The following CELF2 variants were observed in gnomAD, a reference collection of about 807,000 sequenced individuals.
CELF2 encodes CUGBP Elav-like family member 2, also known as CUG triplet repeat RNA-binding protein 2.
CELF2 carries 8 observed loss-of-function variants against 62.6 expected under a neutral mutation model. The ratio of observed to expected loss-of-function variants is 0.13; its 90% CI spans 0.07 to 0.23. The LOEUF is 0.23. Ranked by LOEUF, CELF2 falls within the 10% of genes least tolerant of loss-of-function variation. The pLI is 1.00. For synonymous variants in CELF2, 258 were observed against 250.0 expected, an observed-to-expected ratio of 1.03 and a Z score of -0.30; for missense variants, 333 against 671.0, an observed-to-expected ratio of 0.50 and a Z score of 5.56.
Position 11,319,058 on chromosome 10 carries a change from G to A in CELF2, c.1097-2131G>A, listed in dbSNP as rs149654846. The A allele has an allele frequency of 1.7e-3, 800 of 470,700 alleles. 3 individuals carry two copies. Among genetic ancestry groups the A allele is most frequent in the Non-Finnish European group, 2.7e-3 (610 of 227,060 alleles). 29.2% of individuals were successfully genotyped at this position (470,700 alleles called of 1,614,324 possible). ...GGCCCCACATGGCTCTGCAGGCTGC[G>A]AGGCACACCCAGAACCTCATGCCTT... is the stretch of plus-strand genomic sequence containing the variant. On this transcript the variant is annotated intron_variant, in intron 10 of 12. Coordinates refer to ENST00000633077, the MANE Select transcript of CELF2 (RefSeq NM_001326342.2). The surrounding 1 kb of genome is among the most constrained non-coding windows in gnomAD (Gnocchi z 4.4).
the CELF2 span, among the ~76,000 whole-genome samples, chr10:10,484,407 C>T: frequency 1.2e-4 from 16 of 136,728 alleles, no homozygotes; most frequent in Middle Eastern, 3.4e-3. Flanking sequence ...ACCTCTGCCC[C>T]CTGGGTTCAC....
At chr10:10,806,672 C>T (rs2055269817) in intron 1 of CELF2, among the ~76,000 whole-genome samples, 1 of 152,190 alleles carries the variant, frequency 6.6e-6, no homozygotes, top group Admixed American at 6.5e-5. Flanking sequence ...TAAGACAACA[C>T]TGAGTCACAA....
At chr10:10,961,637 G>A (rs1278199574) in intron 2 of CELF2, among the ~76,000 whole-genome samples, 6 of 151,442 alleles carry the variant, frequency 4.0e-5, no homozygotes, top group South Asian at 4.2e-4. Context: ...TCCCAGCTAC[G>A]CAGGAGGCTG....
chr10:10,624,673 G>C, the CELF2 span, among the ~76,000 whole-genome samples: 2 of 152,162 alleles, frequency 1.3e-5, no homozygotes, highest in Non-Finnish European at 2.9e-5. Flanking sequence ...AAAACCCTGG[G>C]AGATACAGTC....
intron 1 of CELF2, among the ~76,000 whole-genome samples, chr10:11,104,851 A>G (rs1272749600): frequency 1.3e-5 from 2 of 152,218 alleles, no homozygotes; most frequent in African/African-American, 2.4e-5. Context: ...CTCAGTATCA[A>G]CGCTTGTAGG....
At chr10:10,771,642 G>A in the CELF2 span, among the ~76,000 whole-genome samples, 1 of 152,178 alleles carries the variant, frequency 6.6e-6, no homozygotes, top group African/African-American at 2.4e-5. Flanking sequence ...GTTTTATCAG[G>A]GGTTTCTGCT....
the CELF2 span, among the ~76,000 whole-genome samples, chr10:10,695,992 CT>C: frequency 6.6e-6 from 1 of 151,826 alleles, no homozygotes; most frequent in Non-Finnish European, 1.5e-5. Context: ...CATCTGAAGC[CT>C]TCTTCTCTCA....
intron 1 of CELF2, among the ~76,000 whole-genome samples, chr10:11,043,589 G>T (rs546452360): frequency 6.6e-6 from 1 of 151,902 alleles, no homozygotes; most frequent in African/African-American, 2.4e-5. Flanking sequence ...CTCATCCCCC[G>T]TCCTTCCTTT....
chr10:10,984,105 A>AT (rs1315214226), intron 2 of CELF2, among the ~76,000 whole-genome samples: 3 of 152,156 alleles, frequency 2.0e-5, no homozygotes, highest in African/African-American at 7.2e-5. Flanking sequence ...GCATCTGTTA[A>AT]TTTATTTTAC....
At chr10:10,789,307 G>A in the CELF2 span, among the ~76,000 whole-genome samples, 5 of 152,044 alleles carry the variant, frequency 3.3e-5, no homozygotes, top group Non-Finnish European at 7.4e-5. Flanking sequence ...GTCTTTCAAA[G>A]TCATTCCACC....
rs1008064780 is a variant in CELF2, at chr10:10,976,460, C to T, written c.89+56461C>T. Among the ~76,000 whole-genome samples the T allele has an allele frequency of 1.2e-4, 18 of 151,902 alleles. No individual in the cohort carries two copies. In the South Asian group the frequency reaches 1.7e-3, roughly 14 times the overall value. On this transcript the variant is annotated intron_variant, in intron 2 of 13. Coordinates refer to the CELF2 transcript ENST00000636488. ...CATGAAATTAGTATGTCTCATTTCA[C>T]GTCAGGCTTGGTCTTTTTTTTTATG...
At chr10:10,968,622 T>A in intron 2 of CELF2, among the ~76,000 whole-genome samples, 1 of 152,196 alleles carries the variant, frequency 6.6e-6, no homozygotes, top group East Asian at 1.9e-4. Flanking sequence ...AGGACATATG[T>A]GCATTGTATT....
chr10:10,834,618 C>T (rs921688196), intron 1 of CELF2, among the ~76,000 whole-genome samples: 25 of 152,122 alleles, frequency 1.6e-4, no homozygotes, highest in African/African-American at 5.3e-4. Context: ...ACCATTGTTA[C>T]GAGGGATGGC....
chr10:10,911,208 C>T (rs903134834), intron 1 of CELF2, among the ~76,000 whole-genome samples: 4 of 152,306 alleles, frequency 2.6e-5, no homozygotes, highest in South Asian at 4.1e-4. Flanking sequence ...ACACTGGCTT[C>T]CCTTACAGAT....
chr10:10,687,325 T>C, the CELF2 span, among the ~76,000 whole-genome samples: 1 of 152,240 alleles, frequency 6.6e-6, no homozygotes, highest in Non-Finnish European at 1.5e-5. Context: ...ATTTGCTCTT[T>C]AAAAATTTAT....
At chr10:11,283,955 A>AGGG (rs1565757663) in intron 8 of CELF2, among the ~76,000 whole-genome samples, 1 of 63,022 alleles carries the variant, frequency 1.6e-5, no homozygotes. Context: ...ATGAGGGATG[A>AGGG]GTGTGTGGTG....
chr10:11,161,992 A>G (rs1264934574), intron 1 of CELF2, among the ~76,000 whole-genome samples: 1 of 152,206 alleles, frequency 6.6e-6, no homozygotes, highest in African/African-American at 2.4e-5. Context: ...AAAAATGAGC[A>G]TCAGCCAGGG....
At position 11,177,421 on chromosome 10, in the gene CELF2, TAAAA is replaced by T. The variant is rs58453098; in HGVS notation, c.271+11750_271+11753del. Among the ~76,000 whole-genome samples the T allele has an allele frequency of 7.1e-6, 1 of 140,964 alleles. No homozygotes were observed. The highest frequency in any genetic ancestry group is 1.6e-5 in the Non-Finnish European group (1 of 64,034). The allele number at this position is 140,964 out of a possible 152,430, so 92.5% of individuals were successfully genotyped here. A position where few individuals can be genotyped will look rare whatever the true frequency, so the allele number is the denominator to read the frequency against. On this transcript the variant is annotated intron_variant, in intron 2 of 12. Coordinates refer to ENST00000633077, the MANE Select transcript of CELF2 (RefSeq NM_001326342.2). This position sits in a 1 kb window ranked among gnomAD's most constrained non-coding sequence, Gnocchi z 4.8. The stretch of plus-strand genomic sequence containing the variant: ...TTGGCTTATGTTTGCATGTGTGAAT[TAAAA>T]AAAAAAAAAAGAGAAAATTAGGTTA...
chr10:11,265,907 C>A (rs1372398106), intron 5 of CELF2, among the ~76,000 whole-genome samples: 2 of 152,126 alleles, frequency 1.3e-5, no homozygotes, highest in Admixed American at 1.3e-4. Flanking sequence ...AAATAAATGA[C>A]AATGCACGTT....
Sources: gnomAD v4.1 joint callset for allele counts (sites outside exome capture counted in the v4.1 genomes callset) on GRCh38, gnomAD v4.1.1 for gene constraint, Gnocchi (gnomAD v3.1) non-coding constraint, MANE v1.5 for transcripts, NCBI Gene and HGNC (gene_info 2026-07-23, HGNC 2026-07-21) for gene names.